AK3: variants seen among roughly 807,000 people sequenced by gnomAD.
AK3 encodes the protein GTP:AMP phosphotransferase AK3, mitochondrial.
Under a neutral mutation model 23.7 loss-of-function variants are expected in AK3, and 27 were observed. The ratio of observed to expected loss-of-function variants is 1.14; its 90% CI spans 0.84 to 1.57. AK3 has a LOEUF of 1.57. Among genes scored for constraint, AK3 ranks in the 40% most tolerant of loss-of-function variants. The pLI, the probability that AK3 is intolerant of heterozygous loss-of-function variation, is 0.00. For missense variants in AK3, 406 were observed against 285.6 expected (o/e 1.42, Z -3.04); for synonymous variants, 159 against 116.0 (o/e 1.37, Z -2.38).
At chr9:4,728,866 TAC>T (rs57364192) in intron 1 of AK3, among the ~76,000 whole-genome samples, 1 of 87,894 alleles carries the variant, frequency 1.1e-5, no homozygotes, top group Non-Finnish European at 2.4e-5. Context: ...TATATATATA[TAC>T]ACACACACAC....
chr9:4,739,814 C>G (rs1842382424), intron 1 of AK3, among the ~76,000 whole-genome samples: 1 of 151,806 alleles, frequency 6.6e-6, no homozygotes, highest in Admixed American at 6.6e-5. Flanking sequence ...GCCTGTAGTC[C>G]CAGCTACTAG....
intron 1 of AK3, among the ~76,000 whole-genome samples, chr9:4,724,693 T>C (rs1222237898): frequency 6.6e-6 from 1 of 151,912 alleles, no homozygotes; most frequent in African/African-American, 2.4e-5. Context: ...GTGGGAAGAT[T>C]GCTTGAGCCC....
At chr9:4,734,626 G>C (rs1034244928) in intron 1 of AK3, among the ~76,000 whole-genome samples, 1 of 152,120 alleles carries the variant, frequency 6.6e-6, no homozygotes, top group Non-Finnish European at 1.5e-5. Flanking sequence ...TACCAATCTA[G>C]CAAAAGCCTA....
rs571867824 is a variant in AK3 at position 4,716,885 on chromosome 9, A to G, written c.563+1534T>C. Among the ~76,000 whole-genome samples the G allele has an allele frequency of 1.2e-4, 18 of 152,302 alleles. No individual in the cohort carries two copies. In the East Asian group the frequency reaches 3.1e-3, roughly 26 times the overall value. On this transcript the variant is annotated intron_variant, in intron 4 of 4. Coordinates refer to ENST00000381809, the MANE Select transcript of AK3 (RefSeq NM_016282.4). Reference sequence around the variant, plus strand: ...ATTCAAGGCTGTAGTGAACTATGAAAGAACCACTGCACTCCAACCTGGGTG... The same window carrying G: ...ATTCAAGGCTGTAGTGAACTATGAAGGAACCACTGCACTCCAACCTGGGTG...
intron 1 of AK3, 57 bp from the exon 2 acceptor site, chr9:4,722,682 C>T (rs199938754): frequency 6.2e-7 from 1 of 1,608,672 alleles, no homozygotes; most frequent in Middle Eastern, 1.7e-4. Flanking sequence ...CCATTCCAGG[C>T]ACCTCGGAAC....
intron 1 of AK3, among the ~76,000 whole-genome samples, chr9:4,732,467 G>A (rs889300579): frequency 9.2e-5 from 14 of 152,112 alleles, no homozygotes; most frequent in African/African-American, 3.1e-4. Flanking sequence ...AGTTGTTCAA[G>A]GCCAACTGTA....
Position 4,711,591 on chromosome 9 carries a change from T to G in AK3, c.*1385A>C, listed in dbSNP as rs1841563758. 1 of 152,378 alleles carries G rather than the reference T, an allele frequency of 6.6e-6. No individual in the cohort carries two copies. Among genetic ancestry groups the G allele is most frequent in the Non-Finnish European group, 1.5e-5 (1 of 68,042 alleles). The allele number at this position is 152,378 out of a possible 1,614,324, so 9.4% of individuals were successfully genotyped here. A position where few individuals can be genotyped will look rare whatever the true frequency, so the allele number is the denominator to read the frequency against. On this transcript the variant is annotated 3_prime_UTR_variant, in exon 5 of 5. Coordinates refer to ENST00000381809, the MANE Select transcript of AK3 (RefSeq NM_016282.4). ...ACCTGGGAAAAAAACGGAACAGATTTTTAAAGGCAATAACGACTTGTAAGA... is the reference window on the plus strand; with the variant it reads ...ACCTGGGAAAAAAACGGAACAGATTGTTAAAGGCAATAACGACTTGTAAGA...
At position 4,734,464 on chromosome 9, in the gene AK3, C is replaced by A. The variant is rs979727695; in HGVS notation, c.151+6473G>T. Among the ~76,000 whole-genome samples the A allele has an allele frequency of 3.3e-5, 5 of 152,160 alleles. No individual in the cohort carries two copies. The South Asian group carries it at 8.3e-4, about 25-fold the overall frequency. ...TGTGTCTCCACTACCTAGCACATAT[C>A]TGATGCTTAAAGGATCCACGGATAG... On this transcript the variant is annotated intron_variant, in intron 1 of 4. Coordinates refer to ENST00000381809, the MANE Select transcript of AK3 (RefSeq NM_016282.4).
chr9:4,714,132 A>G (rs371061267), intron 4 of AK3, among the ~76,000 whole-genome samples: 15 of 122,782 alleles, frequency 1.2e-4, no homozygotes, highest in African/African-American at 4.5e-4. Flanking sequence ...ACATATACAC[A>G]CCTACACATA....
chr9:4,741,136 G>C lies in AK3; in HGVS notation c.-49C>G, dbSNP rs1239177413. On this transcript the variant is annotated 5_prime_UTR_variant, in exon 1 of 5. Transcript: ENST00000381809. ...GCGCGGGTACCAGGGCTTTGGCCTG[G>C]CCTGCGCGCTCACCCGCTCGGCAGC... The C allele has an allele frequency of 7.2e-7, 1 of 1,390,908 alleles. No homozygotes were observed. The highest frequency in any genetic ancestry group is 1.5e-5 in the African/African-American group (1 of 65,774). 86.2% of individuals were successfully genotyped at this position (1,390,908 alleles called of 1,614,324 possible). A position where few individuals can be genotyped will look rare whatever the true frequency, so the allele number is the denominator to read the frequency against.
intron 1 of AK3, among the ~76,000 whole-genome samples, chr9:4,729,015 A>ATATAT (rs71326127): frequency 1.4e-4 from 18 of 129,434 alleles, no homozygotes; most frequent in African/African-American, 4.4e-4. Flanking sequence ...ATATATATAT[A>ATATAT]TTTTTTTTTT....
chr9:4,727,100 G>T lies in AK3; in HGVS notation c.152-4475C>A, dbSNP rs1393350912. On this transcript the variant is annotated intron_variant, in intron 1 of 4. Transcript: ENST00000381809. Reference sequence around the variant, plus strand: ...TATAAACCGATGTGCTGTCATCCAGGCTTTGTCATTCCATTTACAGAGCAC... The same window carrying T: ...TATAAACCGATGTGCTGTCATCCAGTCTTTGTCATTCCATTTACAGAGCAC... Among the ~76,000 whole-genome samples, 3 of 152,138 alleles carry T rather than the reference G, an allele frequency of 2.0e-5. No homozygotes were observed. The East Asian group carries it at 5.8e-4, about 29-fold the overall frequency.
chr9:4,714,426 C>T (rs1418349927), intron 4 of AK3, among the ~76,000 whole-genome samples: 2 of 152,122 alleles, frequency 1.3e-5, no homozygotes, highest in African/African-American at 2.4e-5. Flanking sequence ...ACTGTTTTCT[C>T]GGTAAGAAAC....
At chr9:4,737,172 G>C (rs1247911421) in intron 1 of AK3, among the ~76,000 whole-genome samples, 1 of 146,562 alleles carries the variant, frequency 6.8e-6, no homozygotes, top group African/African-American at 2.5e-5. Context: ...AAGTGACTTA[G>C]CTTTAAAAAT....
At chr9:4,728,333 G>A (rs538254353) in intron 1 of AK3, among the ~76,000 whole-genome samples, 2 of 152,300 alleles carry the variant, frequency 1.3e-5, no homozygotes, top group Admixed American at 6.5e-5. Context: ...CACTTTGGGA[G>A]GCCGAGGCAG....
At chr9:4,741,342 G>C, upstream of AK3, 1 of 108,888 alleles carries the variant, frequency 9.2e-6, no homozygotes, top group Non-Finnish European at 2.1e-5. Flanking sequence ...CCGCCCAGCC[G>C]CGCAAGCCGC....
chr9:4,731,766 T>C (rs1368287477), intron 1 of AK3, among the ~76,000 whole-genome samples: 6 of 152,136 alleles, frequency 3.9e-5, no homozygotes, highest in Non-Finnish European at 1.5e-5. Context: ...CTCATAAAAA[T>C]TCTAGAGTGG....
At chr9:4,732,890 A>G (rs962156683) in intron 1 of AK3, among the ~76,000 whole-genome samples, 2 of 150,360 alleles carry the variant, frequency 1.3e-5, no homozygotes, top group Non-Finnish European at 3.0e-5. Context: ...TTTTTTCCAA[A>G]GAGCCAATGC....
At chr9:4,725,154 G>C (rs1309850045) in intron 1 of AK3, among the ~76,000 whole-genome samples, 2 of 151,322 alleles carry the variant, frequency 1.3e-5, no homozygotes, top group Admixed American at 1.3e-4. Flanking sequence ...CTCCCAAGTA[G>C]CTGGGATTAC....
Sources: allele counts gnomAD v4.1 joint callset (sites outside exome capture counted in the v4.1 genomes callset), GRCh38; gene constraint gnomAD v4.1.1; transcripts MANE v1.5; gene names NCBI Gene and HGNC (gene_info 2026-07-23, HGNC 2026-07-21).